Variants in CLASP2 observed in about 807,000 individuals in gnomAD.
The protein encoded by CLASP2 is cytoplasmic linker associated protein 2.
A neutral mutation model predicts 194.4 loss-of-function variants in CLASP2; 47 were observed. The observed-to-expected ratio is 0.24, with a 90% CI of 0.19 to 0.31. The LOEUF is 0.31. CLASP2 is among the 10% of genes least tolerant of loss of function. The pLI is 1.00. For synonymous variants in CLASP2, 619 were observed against 633.5 expected (o/e 0.98, Z 0.34); for missense variants, 1,445 against 1,823.6 (o/e 0.79, Z 3.78).
intron 7 of CLASP2, among the ~76,000 whole-genome samples, chr3:33,656,788 T>TA (rs2154328031): frequency 7.0e-6 from 1 of 143,688 alleles, no homozygotes; most frequent in Admixed American, 7.4e-5. Flanking sequence ...GCAACCGTTT[T>TA]AAAAAATGAT....
intron 7 of CLASP2, among the ~76,000 whole-genome samples, chr3:33,657,308 T>G (rs1041543628): frequency 2.6e-5 from 4 of 152,154 alleles, no homozygotes; most frequent in Non-Finnish European, 5.9e-5. Flanking sequence ...TATCACTATA[T>G]ACATATCTTT....
At chr3:33,674,814 C>T (rs1390964294) in intron 6 of CLASP2, among the ~76,000 whole-genome samples, 20 of 152,170 alleles carry the variant, frequency 1.3e-4, no homozygotes, top group African/African-American at 3.6e-4. Context: ...AACACCTCTA[C>T]GCAAATAAAC....
Position 33,622,190 on chromosome 3 carries a change from G to A in CLASP2, c.1126C>T (p.Leu376Phe), listed in dbSNP as rs1230429564. Residue 376 changes from leucine to phenylalanine, a missense_variant, in exon 11 of 39, where the codon CTT becomes TTT. Leu to Phe is a conservative substitution (Grantham distance 22). Around this residue, in one of 4 missense-constraint regions of CLASP2, gnomAD observed 207 missense variants for 331.4 expected, o/e 0.62. Transcript: ENST00000682230. ...TGGGATCTAAGATCCTTAGCTGAAAGTTTAAGTGCTCCATCCAACAATCGT... is the reference window on the plus strand; with the variant it reads ...TGGGATCTAAGATCCTTAGCTGAAAATTTAAGTGCTCCATCCAACAATCGT... ...HLRLLDGALK[L>F]SAKDLRSQVV... 1 of 1,604,334 alleles carries A rather than the reference G, an allele frequency of 6.2e-7. No homozygotes were observed. Among genetic ancestry groups the A allele is most frequent in the Non-Finnish European group, 8.5e-7 (1 of 1,175,468 alleles).
At chr3:33,652,581 T>G (rs2083400384) in intron 7 of CLASP2, among the ~76,000 whole-genome samples, 1 of 152,206 alleles carries the variant, frequency 6.6e-6, no homozygotes. Context: ...ATACACTCTC[T>G]AAATGACCTC....
At chr3:33,528,794 G>A (rs2055323548) in intron 34 of CLASP2, among the ~76,000 whole-genome samples, 1 of 151,486 alleles carries the variant, frequency 6.6e-6, no homozygotes, top group Non-Finnish European at 1.5e-5. Context: ...AACAAAGAAG[G>A]AAAGAAAGAA....
At chr3:33,566,757 G>C (rs762236841) in intron 26 of CLASP2, 23 bp from the exon 27 acceptor site, 2 of 434,328 alleles carry the variant, frequency 4.6e-6, no homozygotes, top group South Asian at 1.7e-5. Flanking sequence ...CCAACACAGG[G>C]GACAGCATGC....
intron 29 of CLASP2, chr3:33,559,067 A>C: frequency 1.7e-6 from 1 of 594,176 alleles, no homozygotes; most frequent in Non-Finnish European, 3.0e-6. Flanking sequence ...ATACAGATGC[A>C]AACACTGCAG....
chr3:33,612,524 C>G (rs539666180), intron 12 of CLASP2, among the ~76,000 whole-genome samples: 1 of 152,290 alleles, frequency 6.6e-6, no homozygotes, highest in Admixed American at 6.5e-5. Flanking sequence ...ATAGAACTTT[C>G]ACTTCATTCT....
intron 21 of CLASP2, among the ~76,000 whole-genome samples, chr3:33,586,130 CTTTCT>C (rs1476102682): frequency 1.3e-5 from 2 of 151,990 alleles, no homozygotes; most frequent in Non-Finnish European, 2.9e-5. Flanking sequence ...AGATCCTTTT[CTTTCT>C]TTTCTTTTTT....
At chr3:33,601,202 C>T (rs1043344633) in intron 18 of CLASP2, among the ~76,000 whole-genome samples, 17 of 152,180 alleles carry the variant, frequency 1.1e-4, no homozygotes, top group African/African-American at 4.1e-4. Context: ...CTTCGTGATC[C>T]ACCTGTCTCG....
rs75918649 is a variant in CLASP2, at chr3:33,504,496, G to A, written c.4318-2728C>T. 2.0e-5 allele frequency: 3 copies of A among 152,282 alleles called. No homozygotes were observed. In the East Asian group the frequency reaches 5.8e-4, roughly 29 times the overall value. 9.4% of individuals were successfully genotyped at this position (152,282 alleles called of 1,614,324 possible). A position where few individuals can be genotyped will look rare whatever the true frequency, so the allele number is the denominator to read the frequency against. ...CCCAGTCTTTGCAGATTGACTCTGAGCTGCGTAATCATTCAATTAGCTAGG... is the reference window on the plus strand; with the variant it reads ...CCCAGTCTTTGCAGATTGACTCTGAACTGCGTAATCATTCAATTAGCTAGG... On this transcript the variant is annotated intron_variant, in intron 37 of 38. Coordinates refer to ENST00000682230, the MANE Select transcript of CLASP2 (RefSeq NM_001365631.1).
rs565621242 is a variant in CLASP2 at position 33,558,822 on chromosome 3, G to A, written c.3009+485C>T. ...TTTTGCCTAAAATACCCGTTAAAAT[G>A]CCTGACACTTAAAAAAAAAAAAAGT... On this transcript the variant is annotated intron_variant, in intron 29 of 38. Transcript: ENST00000682230. 21 of 155,834 alleles carry A rather than the reference G, an allele frequency of 1.3e-4. No individual in the cohort carries two copies. In the South Asian group the frequency reaches 3.5e-3, roughly 26 times the overall value. The allele number at this position is 155,834 out of a possible 1,614,324, so 9.7% of individuals were successfully genotyped here. A position where few individuals can be genotyped will look rare whatever the true frequency, so the allele number is the denominator to read the frequency against.
At chr3:33,517,742 G>A (rs2051760626) in intron 34 of CLASP2, among the ~76,000 whole-genome samples, 1 of 152,060 alleles carries the variant, frequency 6.6e-6, no homozygotes, top group Non-Finnish European at 1.5e-5. Flanking sequence ...GCTCATTGCA[G>A]TCTCCACCTC....
chr3:33,667,610 T>A (rs2086434193), intron 6 of CLASP2, among the ~76,000 whole-genome samples: 1 of 152,120 alleles, frequency 6.6e-6, no homozygotes, highest in East Asian at 1.9e-4. Flanking sequence ...CTAAGAGTTT[T>A]ATTATTTTGG....
chr3:33,544,758 A>G lies in CLASP2; in HGVS notation c.3237T>C (p.Phe1079=). 7 of 1,613,608 alleles carry G rather than the reference A, an allele frequency of 4.3e-6. No individual in the cohort carries two copies. Among genetic ancestry groups the G allele is most frequent in the Non-Finnish European group, 5.9e-6 (7 of 1,179,662 alleles). The change falls in exon 31 of 39, where the codon TTT becomes TTC. Residue 1079 remains phenylalanine, a synonymous_variant. Coordinates refer to ENST00000682230, the MANE Select transcript of CLASP2 (RefSeq NM_001365631.1). ...GAAGAAGCTTGGTAGCACCATCCTG[A>G]AAAGTTTTTGGTAAAGCTCCTAATA... ...TMLLGALPKT[F]QDGATKLLHN... is the part of the protein sequence containing the mutation.
At chr3:33,543,116 T>C (rs1185707233) in intron 32 of CLASP2, among the ~76,000 whole-genome samples, 1 of 152,246 alleles carries the variant, frequency 6.6e-6, no homozygotes, top group Non-Finnish European at 1.5e-5. Flanking sequence ...CTCACGCCTG[T>C]AATCCCAGCA....
chr3:33,556,222 A>G (rs1310915626), intron 29 of CLASP2, among the ~76,000 whole-genome samples: 1 of 152,206 alleles, frequency 6.6e-6, no homozygotes, highest in Non-Finnish European at 1.5e-5. Flanking sequence ...ATTTTATATA[A>G]ACATCCATCA....
intron 34 of CLASP2, among the ~76,000 whole-genome samples, chr3:33,528,840 T>C (rs936803578): frequency 7.2e-5 from 11 of 151,978 alleles, no homozygotes; most frequent in East Asian, 3.9e-4. Flanking sequence ...GAGAGGTCGA[T>C]AGACAGATAA....
At chr3:33,517,270 C>A in intron 34 of CLASP2, 96 bp from the exon 35 acceptor site, 2 of 914,388 alleles carry the variant, frequency 2.2e-6, no homozygotes, top group East Asian at 2.9e-5. Context: ...CAGATATAAC[C>A]ATCATGTTTG....
Sources: allele counts gnomAD v4.1 joint callset (sites outside exome capture counted in the v4.1 genomes callset), GRCh38; gene constraint gnomAD v4.1.1; regional missense constraint gnomAD v4.1.1; transcripts MANE v1.5; gene names NCBI Gene and HGNC (gene_info 2026-07-23, HGNC 2026-07-21).